DDX1: variants seen among roughly 807,000 people sequenced by gnomAD.
DDX1 encodes the protein DEAD-box helicase 1.
Under a neutral mutation model 108.7 loss-of-function variants are expected in DDX1, and 28 were observed. The ratio of observed to expected loss-of-function variants is 0.26; its 90% CI spans 0.19 to 0.35. The LOEUF (loss-of-function observed/expected upper bound fraction) is 0.35. Among genes scored for constraint, DDX1 ranks in the 10% least tolerant of loss-of-function variants. The pLI, the probability that DDX1 is intolerant of heterozygous loss-of-function variation, is 1.00. For missense variants in DDX1, 710 were observed against 884.5 expected (o/e 0.80, Z 2.50); for synonymous variants, 295 against 288.9 (o/e 1.02, Z -0.21).
In DDX1 at chr2:15,628,852, G is replaced by A. The variant is rs1432684813; in HGVS notation, c.1875+13G>A. 5.6e-6 allele frequency: 9 copies of A among 1,609,008 alleles called. No individual in the cohort carries two copies. The Admixed American group carries it at 1.5e-4, about 27-fold the overall frequency. On this transcript the variant is annotated intron_variant, in intron 23 of 25. Transcript: ENST00000233084. The stretch of plus-strand genomic sequence containing the variant: ...AGAAAAAGAAAAGGTAATCTTTGTA[G>A]GGCTCTATTATATTCATTGTGTGTG...
intron 1 of DDX1, among the ~76,000 whole-genome samples, chr2:15,592,155 G>C (rs1037541708): frequency 6.6e-6 from 1 of 152,216 alleles, no homozygotes; most frequent in African/African-American, 2.4e-5. Context: ...CCCAGGAGCG[G>C]GCCGGAACGT....
At chr2:15,602,692 T>G (rs1379108530) in intron 7 of DDX1, 61 bp downstream of exon 7, 1 of 1,256,104 alleles carries the variant, frequency 8.0e-7, no homozygotes, top group Non-Finnish European at 1.2e-6. Context: ...TACGTGAGGG[T>G]TTTTTTGTTG....
intron 19 of DDX1, among the ~76,000 whole-genome samples, chr2:15,626,637 G>A (rs919928663): frequency 2.0e-5 from 3 of 152,106 alleles, no homozygotes; most frequent in African/African-American, 7.2e-5. Flanking sequence ...GAAGAGAGCA[G>A]GCTTATGGGC....
Position 15,620,282 on chromosome 2 carries a change from A to G in DDX1, c.1281A>G (p.Thr427=), listed in dbSNP as rs780056932. ...CCGAGAAGATAATGCATTTTCCTAC[A>G]TGGGTTGACTTAAAAGGAGAAGACT... ...KLSEKIMHFP[T]WVDLKGEDSV... is the part of the protein sequence containing the mutation. The change falls in exon 17 of 26, where the codon ACA becomes ACG. Residue 427 remains threonine, a synonymous_variant. Transcript: ENST00000233084. 17 of 1,613,852 alleles carry G rather than the reference A, an allele frequency of 1.1e-5. No homozygotes were observed. The highest frequency in any genetic ancestry group is 2.7e-5 in the African/African-American group (2 of 74,914).
intron 6 of DDX1, among the ~76,000 whole-genome samples, chr2:15,600,424 G>T (rs1665571444): frequency 6.6e-6 from 1 of 152,182 alleles, no homozygotes. Flanking sequence ...AGACTCCTCA[G>T]GAAGCTTATG....
chr2:15,627,154 AC>A lies in DDX1; in HGVS notation c.1686+10del. The A allele has an allele frequency of 6.6e-7, 1 of 1,516,008 alleles. No individual in the cohort carries two copies. Among genetic ancestry groups the A allele is most frequent in the Admixed American group, 1.7e-5 (1 of 57,386 alleles). The allele number at this position is 1,516,008 out of a possible 1,614,324, so 93.9% of individuals were successfully genotyped here. A position where few individuals can be genotyped will look rare whatever the true frequency, so the allele number is the denominator to read the frequency against. On this transcript the variant is annotated intron_variant, in intron 20 of 25. Transcript: ENST00000233084. ...ACTTGGAAAGATTTAAGGTACTGAT[AC>A]ATAGTTGATTGTTTCCTTAATACTT...
At chr2:15,621,173 C>G in intron 18 of DDX1, 57 bp downstream of exon 18, 1 of 1,240,740 alleles carries the variant, frequency 8.1e-7, no homozygotes, top group East Asian at 2.3e-5. Context: ...TTATACCTTA[C>G]CTATTCTCAT....
In DDX1 at chr2:15,608,513, G is replaced by A. The variant is rs549799651; in HGVS notation, c.956+1200G>A. On this transcript the variant is annotated intron_variant, in intron 13 of 25. Coordinates refer to ENST00000233084, the MANE Select transcript of DDX1 (RefSeq NM_004939.3). ...ATTGCACTCCAGCCTGGGCAACAGA[G>A]TAAGACTCCGTCTCAAAAAAAAAAA... 8.2e-4 allele frequency among the ~76,000 whole-genome samples: 118 copies of A among 143,402 alleles called. 2 individuals carry two copies. The highest frequency in any genetic ancestry group is 2.7e-3 in the African/African-American group (104 of 38,958). 94.1% of individuals were successfully genotyped at this position (143,402 alleles called of 152,430 possible). A position where few individuals can be genotyped will look rare whatever the true frequency, so the allele number is the denominator to read the frequency against.
At chr2:15,592,828 TGTA>T (rs1408061610) in intron 1 of DDX1, among the ~76,000 whole-genome samples, 2 of 151,448 alleles carry the variant, frequency 1.3e-5, no homozygotes, top group African/African-American at 4.9e-5. Flanking sequence ...TGACTTCAGA[TGTA>T]GTATTTTATA....
rs1316705786 is a variant in DDX1, at chr2:15,630,958, A to T, written c.*52A>T. On this transcript the variant is annotated 3_prime_UTR_variant, in exon 26 of 26. Transcript: ENST00000233084. ...AGTAATGAAAGTCTGTAGTCTTAAA[A>T]CTCTAAAACAGTTGTACTGCTTCCA... 3 of 1,575,456 alleles carry T rather than the reference A, an allele frequency of 1.9e-6. No homozygotes were observed. Among genetic ancestry groups the T allele is most frequent in the Non-Finnish European group, 2.6e-6 (3 of 1,149,066 alleles).
chr2:15,595,647 A>G, intron 3 of DDX1, 94 bp downstream of exon 3: 3 of 890,628 alleles, frequency 3.4e-6, no homozygotes, highest in Non-Finnish European at 5.7e-6. Context: ...ATTCACAAAC[A>G]TTTATGATAC....
rs1180819297 is a variant in DDX1, at chr2:15,613,300, A to G, written c.1017+16A>G. 1.9e-6 allele frequency: 3 copies of G among 1,581,108 alleles called. No individual in the cohort carries two copies. In the South Asian group the frequency reaches 3.5e-5, roughly 18 times the overall value. On this transcript the variant is annotated intron_variant, in intron 14 of 25. Coordinates refer to ENST00000233084, the MANE Select transcript of DDX1 (RefSeq NM_004939.3). ...GGAAAATGGAGTAAGTTGTAGTTTT[A>G]ATTTTTAAAACATAATGTCATGGGC...
At position 15,612,110 on chromosome 2, in the gene DDX1, C is replaced by G. The variant is rs534356545; in HGVS notation, c.957-1114C>G. On this transcript the variant is annotated intron_variant, in intron 13 of 25. Transcript: ENST00000233084. ...GGGCCTGACCCCCCCACCTCCCTCCCGGACGGGGCGGCTGGCCGGGCGGGG... is the reference window on the plus strand; with the variant it reads ...GGGCCTGACCCCCCCACCTCCCTCCGGGACGGGGCGGCTGGCCGGGCGGGG... Among the ~76,000 whole-genome samples, 3 of 145,682 alleles carry G rather than the reference C, an allele frequency of 2.1e-5. No individual in the cohort carries two copies. In the East Asian group the frequency reaches 6.4e-4, roughly 31 times the overall value.
rs923271125 is a variant in DDX1, at chr2:15,630,095, A to G, written c.2077A>G (p.Lys693Glu). Reference protein sequence around the residue: ...EFDGKVTYGQKRAAGGGSYKG... With the variant: ...EFDGKVTYGQERAAGGGSYKG... ...TGATGGGAAAGTTACCTACGGTCAGAAAAGGGCTGCTGGTGGTAAGCTTTG... is the reference window on the plus strand; with the variant it reads ...TGATGGGAAAGTTACCTACGGTCAGGAAAGGGCTGCTGGTGGTAAGCTTTG... The change falls in exon 25 of 26, where the codon AAA (lysine) becomes GAA (glutamate). Residue 693 changes from lysine (K) to glutamate (E), a missense_variant. Transcript: ENST00000233084. 1.2e-6 allele frequency: 2 copies of G among 1,613,296 alleles called. No homozygotes were observed. Among genetic ancestry groups the G allele is most frequent in the South Asian group, 2.2e-5 (2 of 90,822 alleles).
chr2:15,602,749 G>C, intron 7 of DDX1, 118 bp downstream of exon 7: 1 of 732,238 alleles, frequency 1.4e-6, no homozygotes, highest in Non-Finnish European at 2.3e-6. Context: ...GCCCGGGCTG[G>C]AGGGCCCGGG....
chr2:15,607,243 CG>C lies in DDX1; in HGVS notation c.889del (p.Glu297SerfsTer2). ...GAAAGCTCTCATTGTTGAACCTTCC[CG>C]GGAGTTAGCTGAACAAACTTTGAAC... ...APKALIVEPS[R>X]ELAEQTLNNI... On this transcript the variant is annotated frameshift_variant, in exon 13 of 26. Coordinates refer to ENST00000233084, the MANE Select transcript of DDX1 (RefSeq NM_004939.3). LOFTEE classifies it high-confidence loss of function. The C allele has an allele frequency of 6.2e-7, 1 of 1,613,504 alleles. No homozygotes were observed. Among genetic ancestry groups the C allele is most frequent in the Non-Finnish European group, 8.5e-7 (1 of 1,179,508 alleles).
At chr2:15,616,234 C>T (rs535621241) in intron 14 of DDX1, among the ~76,000 whole-genome samples, 11 of 152,156 alleles carry the variant, frequency 7.2e-5, no homozygotes, top group African/African-American at 2.7e-4. Flanking sequence ...TTAAAAATAC[C>T]TCATCTTTAT....
At chr2:15,617,148 C>T (rs1665909422) in intron 14 of DDX1, 96 bp from the exon 15 acceptor site, 2 of 511,642 alleles carry the variant, frequency 3.9e-6, no homozygotes, top group Non-Finnish European at 7.0e-6. Context: ...CTTCAATATG[C>T]ATGTTTTTAT....
chr2:15,611,092 G>A (rs1262231901), intron 13 of DDX1, among the ~76,000 whole-genome samples: 1 of 149,634 alleles, frequency 6.7e-6, no homozygotes, highest in African/African-American at 2.5e-5. Flanking sequence ...GACTCTTAAC[G>A]AGCATGCTGC....
Sources: allele counts gnomAD v4.1 joint callset (sites outside exome capture counted in the v4.1 genomes callset), GRCh38; gene constraint gnomAD v4.1.1; transcripts MANE v1.5; gene names NCBI Gene and HGNC (gene_info 2026-07-23, HGNC 2026-07-21).